SRGAP3: variants seen among roughly 807,000 people sequenced by gnomAD.
The protein encoded by SRGAP3 is SLIT-ROBO Rho GTPase activating protein 3, also known as SLIT-ROBO Rho GTPase-activating protein 3.
SRGAP3 carries 39 observed loss-of-function variants against 121.1 expected under a neutral mutation model. That is an observed-to-expected ratio of 0.32 (90% CI 0.25 to 0.42). The LOEUF (loss-of-function observed/expected upper bound fraction) is 0.42. Among genes scored for constraint, SRGAP3 ranks in the 10% least tolerant of loss-of-function variants. The pLI is 1.00. For synonymous variants in SRGAP3, 601 were observed against 570.0 expected (o/e 1.05, Z -0.77); for missense variants, 1,213 against 1,470.6 (o/e 0.82, Z 2.86).
chr3:9,154,354 C>T (rs1359505943), intron 1 of SRGAP3, among the ~76,000 whole-genome samples: 3 of 152,148 alleles, frequency 2.0e-5, no homozygotes, highest in Non-Finnish European at 2.9e-5. Flanking sequence ...AATAGACTGG[C>T]TTCCAGCTCT....
Position 9,354,657 on chromosome 3 carries a change from G to C in SRGAP3, n.214+8183C>G, listed in dbSNP as rs185140390. Among the ~76,000 whole-genome samples, 167 of 149,946 alleles carry C rather than the reference G, an allele frequency of 1.1e-3. 1 individual carries two copies. Among genetic ancestry groups the C allele is most frequent in the African/African-American group, 4.0e-3 (161 of 40,572 alleles). On this transcript the variant is annotated intron_variant and non_coding_transcript_variant, in intron 1 of 3. Coordinates refer to the SRGAP3 transcript ENST00000490889. Reference sequence around the variant, plus strand: ...AGATTGCGCCACTGCACTCCAGCCGGGGTGACAGAGCGAGACTCCATCTCA... The same window carrying C: ...AGATTGCGCCACTGCACTCCAGCCGCGGTGACAGAGCGAGACTCCATCTCA...
chr3:9,309,781 C>T (rs1056577856), intron 3 of SRGAP3, among the ~76,000 whole-genome samples: 2 of 152,182 alleles, frequency 1.3e-5, no homozygotes, highest in Non-Finnish European at 2.9e-5. Context: ...ACTGCTTGAA[C>T]ATGGGAGGTC....
chr3:9,001,276 A>C (rs1942751554), intron 18 of SRGAP3, among the ~76,000 whole-genome samples: 1 of 152,254 alleles, frequency 6.6e-6, no homozygotes, highest in African/African-American at 2.4e-5. Context: ...TATTTACAAC[A>C]TGATGAATAT....
chr3:9,151,360 A>G (rs575812784), intron 1 of SRGAP3, among the ~76,000 whole-genome samples: 1 of 152,320 alleles, frequency 6.6e-6, no homozygotes, highest in Admixed American at 6.5e-5. Flanking sequence ...AACAATGTGG[A>G]GAACGTGGAA....
intron 1 of SRGAP3, among the ~76,000 whole-genome samples, chr3:9,157,686 A>C (rs900999679): frequency 1.3e-5 from 2 of 152,214 alleles, no homozygotes; most frequent in Non-Finnish European, 2.9e-5. Context: ...TATACCACTG[A>C]CCTTCTCTAA....
At position 9,143,590 on chromosome 3, in the gene SRGAP3, A is replaced by G. The variant is rs184949183; in HGVS notation, c.68-18673T>C. On this transcript the variant is annotated intron_variant, in intron 1 of 21. Coordinates refer to ENST00000383836, the MANE Select transcript of SRGAP3 (RefSeq NM_014850.4). ...ATATAAAAATATCAACAAGGAATAT[A>G]AGAGAGGCACAAATGCCAGTGATGC... 3.0e-3 allele frequency among the ~76,000 whole-genome samples: 464 copies of G among 152,340 alleles called. 1 individual carries two copies. The highest frequency in any genetic ancestry group is 9.6e-3 in the African/African-American group (397 of 41,568).
At chr3:9,348,364 G>A in intron 1 of SRGAP3, 1 of 476,018 alleles carries the variant, frequency 2.1e-6, no homozygotes, top group Non-Finnish European at 3.9e-6. Flanking sequence ...AAGACTAAAA[G>A]TAATCAAACA....
At chr3:9,259,548 A>T (rs1328756063) in intron 3 of SRGAP3, among the ~76,000 whole-genome samples, 2 of 152,130 alleles carry the variant, frequency 1.3e-5, no homozygotes, top group Admixed American at 1.3e-4. Flanking sequence ...GGCTCAAAGG[A>T]TCTTCCTGCC....
At chr3:9,138,195 C>T (rs2125024527) in intron 1 of SRGAP3, among the ~76,000 whole-genome samples, 1 of 152,354 alleles carries the variant, frequency 6.6e-6, no homozygotes, top group African/African-American at 2.4e-5. Flanking sequence ...CTTCTAAAAA[C>T]TACCTGCTGT....
At chr3:9,213,167 A>G (rs1287314151) in intron 1 of SRGAP3, among the ~76,000 whole-genome samples, 2 of 152,094 alleles carry the variant, frequency 1.3e-5, no homozygotes, top group Non-Finnish European at 2.9e-5. Context: ...AGACACAAAT[A>G]ATGGAGTCTA....
intron 1 of SRGAP3, among the ~76,000 whole-genome samples, chr3:9,342,009 TAAC>T (rs745379810): frequency 2.0e-5 from 3 of 152,168 alleles, no homozygotes; most frequent in South Asian, 4.1e-4. Flanking sequence ...AACACTTTGC[TAAC>T]AACAGTAACT....
intron 1 of SRGAP3, among the ~76,000 whole-genome samples, chr3:9,162,126 A>G (rs936404555): frequency 1.3e-5 from 2 of 152,172 alleles, no homozygotes; most frequent in African/African-American, 4.8e-5. Context: ...GTTCATAGAG[A>G]CAGAGAGAGG....
intron 3 of SRGAP3, among the ~76,000 whole-genome samples, chr3:9,265,879 C>T (rs1007744422): frequency 4.6e-5 from 7 of 152,110 alleles, no homozygotes; most frequent in African/African-American, 1.7e-4. Flanking sequence ...TGGGTATATA[C>T]CCAAAGGATT....
chr3:9,204,020 C>T (rs970118006), intron 1 of SRGAP3, among the ~76,000 whole-genome samples: 8 of 152,132 alleles, frequency 5.3e-5, no homozygotes, highest in African/African-American at 1.7e-4. Flanking sequence ...TAGATATTAC[C>T]GCTACAGTTT....
chr3:9,157,201 A>C (rs2125067969), intron 1 of SRGAP3, among the ~76,000 whole-genome samples: 1 of 152,316 alleles, frequency 6.6e-6, no homozygotes, highest in East Asian at 1.9e-4. Context: ...AGAAACTTAT[A>C]ATCACGGCAG....
intron 9 of SRGAP3, 134 bp from the exon 10 acceptor site, chr3:9,047,609 C>A: frequency 1.2e-6 from 1 of 813,298 alleles, no homozygotes; most frequent in Non-Finnish European, 2.1e-6. Flanking sequence ...GCGCAGGGAA[C>A]AGAGAGGCCT....
intron 9 of SRGAP3, 96 bp downstream of exon 9, chr3:9,052,931 T>C: frequency 1.4e-6 from 2 of 1,418,428 alleles, no homozygotes; most frequent in South Asian, 1.2e-5. Flanking sequence ...TTGACCCATG[T>C]GGTTTCTCTG....
intron 1 of SRGAP3, among the ~76,000 whole-genome samples, chr3:9,134,095 GCCCTTGGAGGCCTCTGCCCCTTGCCTGCA>G (rs1269706393): frequency 6.6e-6 from 1 of 152,182 alleles, no homozygotes; most frequent in Non-Finnish European, 1.5e-5. Context: ...CCAGCAACTT[GCCCTTGGAGGCCTCTGCCCCTTGCCTGCA>G]CCCTTGGAGG....
At chr3:9,075,338 G>T (rs953138184) in intron 4 of SRGAP3, among the ~76,000 whole-genome samples, 3 of 152,192 alleles carry the variant, frequency 2.0e-5, no homozygotes, top group Non-Finnish European at 4.4e-5. Flanking sequence ...ATGTGCTAGT[G>T]TGTGGTGCAT....
Sources: gnomAD v4.1 joint callset for allele counts (sites outside exome capture counted in the v4.1 genomes callset) on GRCh38, gnomAD v4.1.1 for gene constraint, MANE v1.5 for transcripts, NCBI Gene and HGNC (gene_info 2026-07-23, HGNC 2026-07-21) for gene names.